TRIP11: variants seen among roughly 807,000 people sequenced by gnomAD.
TRIP11 encodes thyroid hormone receptor interactor 11.
TRIP11 carries 148 observed loss-of-function variants against 223.1 expected under a neutral mutation model. The ratio of observed to expected loss-of-function variants is 0.66; its 90% CI spans 0.58 to 0.76. The LOEUF (loss-of-function observed/expected upper bound fraction) is 0.76. TRIP11 is among the 30% of genes least tolerant of loss of function. The pLI, the probability that TRIP11 is intolerant of heterozygous loss-of-function variation, is 0.00. For synonymous variants in TRIP11, 762 were observed against 772.6 expected (o/e 0.99, Z 0.23); for missense variants, 2,043 against 2,222.0 (o/e 0.92, Z 1.62).
chr14:91,994,937 AATG>A (rs2056729815), intron 14 of TRIP11, among the ~76,000 whole-genome samples: 1 of 152,204 alleles, frequency 6.6e-6, no homozygotes, highest in Admixed American at 6.5e-5. Context: ...AACAATAATT[AATG>A]ATGATTATCT....
chr14:92,005,722 A>C lies in TRIP11; in HGVS notation c.2254T>G (p.Leu752Val). ...TIEELSNARN[L>V]NTSALQLEHE... ...TCCAGCTGTAAGGCAGAGGTATTCA[A>C]ATTACGTGCATTTGACAGTTCTTCA... is the stretch of plus-strand genomic sequence containing the variant. Residue 752 changes from leucine to valine, a missense_variant, in exon 11 of 21, where the codon TTG (leucine) becomes GTG (valine). Leu to Val is a conservative substitution (Grantham distance 32, BLOSUM62 1). Coordinates refer to ENST00000267622, the MANE Select transcript of TRIP11 (RefSeq NM_004239.4). The C allele has an allele frequency of 2.5e-6, 4 of 1,614,006 alleles. No homozygotes were observed. Among genetic ancestry groups the C allele is most frequent in the Non-Finnish European group, 3.4e-6 (4 of 1,180,006 alleles).
chr14:92,039,424 A>G, intron 1 of TRIP11, 123 bp downstream of exon 1: 2 of 1,050,800 alleles, frequency 1.9e-6, no homozygotes, highest in Non-Finnish European at 2.8e-6. Context: ...GTGTGTGAAG[A>G]AAAAAGGGAG....
chr14:92,039,900 A>T lies in TRIP11; in HGVS notation c.-215T>A. On this transcript the variant is annotated 5_prime_UTR_variant, in exon 1 of 21. Coordinates refer to ENST00000267622, the MANE Select transcript of TRIP11 (RefSeq NM_004239.4). ...ACCAGGGGCCCGCCTCTAGTGACAC[A>T]GTCACCTACGGAGGGCCTTCTGCTC... is the stretch of plus-strand genomic sequence containing the variant. The T allele has an allele frequency of 1.1e-6, 1 of 884,438 alleles. No homozygotes were observed. Among genetic ancestry groups the T allele is most frequent in the Non-Finnish European group, 1.7e-6 (1 of 590,978 alleles). The allele number at this position is 884,438 out of a possible 1,614,324, so 54.8% of individuals were successfully genotyped here. A position where few individuals can be genotyped will look rare whatever the true frequency, so the allele number is the denominator to read the frequency against.
chr14:92,022,415 G>A (rs915474431), intron 3 of TRIP11, among the ~76,000 whole-genome samples: 2 of 152,158 alleles, frequency 1.3e-5, no homozygotes, highest in Non-Finnish European at 2.9e-5. Context: ...ATTAGCCCAT[G>A]AATCTTAAAA....
At chr14:91,993,146 T>C (rs917235720) in intron 15 of TRIP11, among the ~76,000 whole-genome samples, 6 of 149,694 alleles carry the variant, frequency 4.0e-5, no homozygotes, top group Admixed American at 2.7e-4. Context: ...GTGAAATGAG[T>C]GCTCACAGAG....
intron 1 of TRIP11, among the ~76,000 whole-genome samples, chr14:92,036,198 G>A (rs1337787018): frequency 6.6e-6 from 1 of 152,008 alleles, no homozygotes; most frequent in Non-Finnish European, 1.5e-5. Flanking sequence ...TTTTAAAGAG[G>A]GATTTTACAA....
intron 3 of TRIP11, among the ~76,000 whole-genome samples, chr14:92,024,851 T>C (rs1031526388): frequency 1.3e-5 from 2 of 152,160 alleles, no homozygotes; most frequent in African/African-American, 2.4e-5. Flanking sequence ...CTACCAGCAC[T>C]GTAAAGCAAA....
chr14:92,039,463 G>A (rs1005826782), intron 1 of TRIP11, 84 bp downstream of exon 1: 3 of 1,477,322 alleles, frequency 2.0e-6, no homozygotes, highest in Admixed American at 3.6e-5. Flanking sequence ...ACCTGTCCGC[G>A]TCTCCTGACT....
At chr14:92,027,364 A>T (rs1461365703) in intron 2 of TRIP11, among the ~76,000 whole-genome samples, 1 of 152,122 alleles carries the variant, frequency 6.6e-6, no homozygotes. Flanking sequence ...GCATTCCAAT[A>T]ACTTTTTTGT....
chr14:91,986,864 A>G (rs2056610413), intron 16 of TRIP11, among the ~76,000 whole-genome samples: 1 of 152,240 alleles, frequency 6.6e-6, no homozygotes, highest in Admixed American at 6.5e-5. Flanking sequence ...TTTCAACGTT[A>G]GGGCACAATA....
At chr14:91,977,321 T>C (rs979610609) in intron 16 of TRIP11, 7 of 429,576 alleles carry the variant, frequency 1.6e-5, no homozygotes, top group African/African-American at 4.1e-5. Context: ...GTGCTTTTGG[T>C]TTCATATCTA....
intron 9 of TRIP11, among the ~76,000 whole-genome samples, chr14:92,010,269 G>A (rs191370857): frequency 1.3e-5 from 2 of 152,064 alleles, no homozygotes; most frequent in Non-Finnish European, 2.9e-5. Context: ...GGTGGCTCAC[G>A]CCTATAATCT....
intron 11 of TRIP11, among the ~76,000 whole-genome samples, chr14:92,002,114 G>C (rs74073659): frequency 6.6e-6 from 1 of 151,966 alleles, no homozygotes; most frequent in Non-Finnish European, 1.5e-5. Context: ...TAAAAGCATA[G>C]AAATCACAGT....
chr14:91,999,201 T>C, intron 13 of TRIP11, 39 bp downstream of exon 13: 1 of 1,593,662 alleles, frequency 6.3e-7, no homozygotes, highest in Non-Finnish European at 8.6e-7. Flanking sequence ...ATTTAAGAAG[T>C]GTTCAGTTAA....
At chr14:91,989,142 T>C (rs565406818) in intron 15 of TRIP11, among the ~76,000 whole-genome samples, 3 of 152,254 alleles carry the variant, frequency 2.0e-5, no homozygotes, top group Admixed American at 2.0e-4. Context: ...TTCCAGATTT[T>C]ATTACAAGAT....
intron 13 of TRIP11, among the ~76,000 whole-genome samples, chr14:91,996,219 T>C (rs2056749136): frequency 1.3e-5 from 2 of 152,250 alleles, no homozygotes; most frequent in South Asian, 4.1e-4. Context: ...TCCTACACTT[T>C]ATTGCATTAA....
intron 2 of TRIP11, chr14:92,026,588 C>T (rs1204034130): frequency 1.6e-6 from 2 of 1,282,510 alleles, no homozygotes; most frequent in Admixed American, 1.7e-5. Flanking sequence ...GCCGTGGACA[C>T]CAGCTCCGAA....
chr14:92,005,014 T>C lies in TRIP11; in HGVS notation c.2962A>G (p.Thr988Ala). The change falls in exon 11 of 21, where the codon ACA becomes GCA. Residue 988 changes from threonine to alanine, a missense_variant. By Grantham distance (58) the Thr-to-Ala change is moderately conservative (BLOSUM62 0). Coordinates refer to ENST00000267622, the MANE Select transcript of TRIP11 (RefSeq NM_004239.4). ...TCTTGAAAAATATCAGAGTTATCTG[T>C]TTGAATGTCCTGTCTTTCTTCATGC... ...QLHEERQDIQ[T>A]DNSDIFQETK... is the part of the protein sequence containing the mutation. 1 of 1,614,082 alleles carries C rather than the reference T, an allele frequency of 6.2e-7. No homozygotes were observed. The highest frequency in any genetic ancestry group is 8.5e-7 in the Non-Finnish European group (1 of 1,180,042).
chr14:91,980,338 G>A (rs962589615), intron 16 of TRIP11, among the ~76,000 whole-genome samples: 1 of 152,130 alleles, frequency 6.6e-6, no homozygotes, highest in Admixed American at 6.5e-5. Context: ...TATTTCATGA[G>A]TAAGCTCCTG....
Sources: gnomAD v4.1 joint callset for allele counts (sites outside exome capture counted in the v4.1 genomes callset) on GRCh38, gnomAD v4.1.1 for gene constraint, MANE v1.5 for transcripts, NCBI Gene and HGNC (gene_info 2026-07-23, HGNC 2026-07-21) for gene names.